The following FYN variants were observed in gnomAD, a reference collection of about 807,000 sequenced individuals.
The protein encoded by FYN is tyrosine-protein kinase Fyn.
In FYN, 10 loss-of-function variants were observed where a neutral mutation model predicts 70.2. The ratio of observed to expected loss-of-function variants is 0.14; its 90% CI spans 0.09 to 0.24. The LOEUF (loss-of-function observed/expected upper bound fraction) is 0.24. Among genes scored for constraint, FYN ranks in the 10% least tolerant of loss-of-function variants. The pLI is 1.00. For synonymous variants in FYN, 236 were observed against 248.6 expected, an observed-to-expected ratio of 0.95 and a Z score of 0.48; for missense variants, 319 against 673.1, an observed-to-expected ratio of 0.47 and a Z score of 5.82.
At chr6:111,814,709 T>A (rs1772431240) in intron 2 of FYN, among the ~76,000 whole-genome samples, 1 of 152,246 alleles carries the variant, frequency 6.6e-6, no homozygotes, top group African/African-American at 2.4e-5. Context: ...CTATTTGGTC[T>A]GAGCCTTCAA....
intron 7 of FYN, 25 bp from the exon 8 acceptor site, chr6:111,703,059 A>G (rs3752545): frequency 6.2e-7 from 1 of 1,608,700 alleles, no homozygotes. Context: ...AAGCATTAGC[A>G]GCTCCAATCA....
At chr6:111,826,764 T>C (rs1454184234) in intron 2 of FYN, among the ~76,000 whole-genome samples, 2 of 152,208 alleles carry the variant, frequency 1.3e-5, no homozygotes, top group Non-Finnish European at 1.5e-5. Flanking sequence ...TCATCTCTTT[T>C]CTCCCAGCTA....
chr6:111,679,161 G>C (rs544385790), intron 12 of FYN, among the ~76,000 whole-genome samples: 12 of 152,152 alleles, frequency 7.9e-5, no homozygotes, highest in Non-Finnish European at 4.4e-5. Flanking sequence ...CCTGCTTCAC[G>C]GACAGGCTAT....
chr6:111,769,200 TTCA>T (rs1289359214), intron 3 of FYN, among the ~76,000 whole-genome samples: 1 of 152,224 alleles, frequency 6.6e-6, no homozygotes, highest in Admixed American at 6.5e-5. Context: ...AGTGCCATCC[TTCA>T]GTTACTGAAA....
intron 3 of FYN, among the ~76,000 whole-genome samples, chr6:111,747,543 C>T (rs1027307845): frequency 6.6e-6 from 1 of 152,194 alleles, no homozygotes; most frequent in African/African-American, 2.4e-5. Context: ...ACTTGAAACA[C>T]ATTATTTGGG....
chr6:111,794,111 C>T (rs1207850994), intron 2 of FYN, among the ~76,000 whole-genome samples: 1 of 152,226 alleles, frequency 6.6e-6, no homozygotes, highest in African/African-American at 2.4e-5. Context: ...CTGCTCTCCT[C>T]CATCCGCCAT....
At chr6:111,678,106 A>ATGTGTGTGTGTGTGTGTGTGTGTG (rs201367268) in intron 12 of FYN, among the ~76,000 whole-genome samples, 6 of 118,606 alleles carry the variant, frequency 5.1e-5, no homozygotes, top group African/African-American at 2.2e-4. Context: ...GAAGGCCATA[A>ATGTGTGTGTGTGTGTGTGTGTGTG]TATGTGTGTG....
At chr6:111,673,619 A>ATCGTTTTTTTTTTTTTTTTTTT (rs1554272175) in intron 13 of FYN, among the ~76,000 whole-genome samples, 2 of 65,010 alleles carry the variant, frequency 3.1e-5, no homozygotes, top group African/African-American at 5.2e-5. Flanking sequence ...CGTTTCTATC[A>ATCGTTTTTTTTTTTTTTTTTTT]TTGTTTTTTT....
intron 3 of FYN, among the ~76,000 whole-genome samples, chr6:111,756,936 C>G (rs1562507820): frequency 6.6e-6 from 1 of 152,140 alleles, no homozygotes; most frequent in African/African-American, 2.4e-5. Context: ...TGTGCTATCC[C>G]TACTTCCTAT....
At chr6:111,775,032 C>G (rs775558635) in intron 3 of FYN, among the ~76,000 whole-genome samples, 8 of 152,136 alleles carry the variant, frequency 5.3e-5, no homozygotes, top group Non-Finnish European at 5.9e-5. Flanking sequence ...TGTTTACAAA[C>G]TTAAATGAGC....
intron 8 of FYN, among the ~76,000 whole-genome samples, chr6:111,701,608 T>G (rs986230265): frequency 6.6e-6 from 1 of 152,178 alleles, no homozygotes; most frequent in Non-Finnish European, 1.5e-5. Flanking sequence ...ATCCCCTCTT[T>G]CCTTCCAGCT....
At chr6:111,837,119 T>C (rs1773211772) in intron 2 of FYN, among the ~76,000 whole-genome samples, 1 of 152,222 alleles carries the variant, frequency 6.6e-6, no homozygotes, top group African/African-American at 2.4e-5. Context: ...CTCACTGCGG[T>C]CACCATAACG....
chr6:111,868,417 TCA>T (rs77189462), intron 1 of FYN, among the ~76,000 whole-genome samples: 5,455 of 152,308 alleles, frequency 0.036, 109 homozygotes, highest in Non-Finnish European at 0.047. Flanking sequence ...CTTTAAATAA[TCA>T]CACAGAGTAA....
intron 2 of FYN, among the ~76,000 whole-genome samples, chr6:111,785,592 C>T (rs149490218): frequency 5.0e-4 from 76 of 152,230 alleles, no homozygotes; most frequent in African/African-American, 1.7e-3. Flanking sequence ...AGGGAGAAAA[C>T]GGGTCCATCA....
At chr6:111,716,725 C>A (rs1800660661) in intron 4 of FYN, among the ~76,000 whole-genome samples, 1 of 150,116 alleles carries the variant, frequency 6.7e-6, no homozygotes, top group Non-Finnish European at 1.5e-5. Flanking sequence ...GAAGAAAGAT[C>A]TTTTGTACCC....
chr6:111,744,975 C>A (rs115642378), intron 3 of FYN, among the ~76,000 whole-genome samples: 1,628 of 152,168 alleles, frequency 0.011, 22 homozygotes, highest in African/African-American at 0.035. Context: ...AAAAATAAAG[C>A]AAGGAAAGTG....
In FYN at chr6:111,707,977, T is replaced by C. The variant is rs1425536603; in HGVS notation, c.388A>G (p.Thr130Ala). The C allele has an allele frequency of 3.7e-6, 6 of 1,614,098 alleles. No homozygotes were observed. Among genetic ancestry groups the C allele is most frequent in the Non-Finnish European group, 5.1e-6 (6 of 1,179,954 alleles). The change falls in exon 6 of 14, where the codon ACA (threonine) becomes GCA (alanine). Residue 130 changes from threonine (T) to alanine (A), a missense_variant. Thr to Ala is a moderately conservative substitution (Grantham distance 58, BLOSUM62 0). Around this residue, in one of 4 missense-constraint regions of FYN, gnomAD observed 128 missense variants for 183.9 expected, o/e 0.70. Transcript: ENST00000354650. ...ACATAATTGCTGGGAATGTAACCTG[T>C]CTCTCCAGTTGTCAAGGAGCGGGCT... ...WEARSLTTGE[T>A]GYIPSNYVAP...
At chr6:111,740,010 G>A (rs1386522955) in intron 3 of FYN, among the ~76,000 whole-genome samples, 1 of 152,098 alleles carries the variant, frequency 6.6e-6, no homozygotes, top group Admixed American at 6.6e-5. Flanking sequence ...TTTTAGTAGA[G>A]ATGGGGTTTC....
At chr6:111,798,603 G>A (rs1771892104) in intron 2 of FYN, among the ~76,000 whole-genome samples, 1 of 152,146 alleles carries the variant, frequency 6.6e-6, no homozygotes, top group African/African-American at 2.4e-5. Context: ...GGAAGTCTGG[G>A]CTGGGTAGTA....
Sources: gnomAD v4.1 joint callset for allele counts (sites outside exome capture counted in the v4.1 genomes callset) on GRCh38, gnomAD v4.1.1 for gene constraint, gnomAD v4.1.1 regional missense constraint, MANE v1.5 for transcripts, NCBI Gene and HGNC (gene_info 2026-07-23, HGNC 2026-07-21) for gene names.